Variants in CERS3 observed in about 807,000 individuals in gnomAD.
CERS3 encodes the protein ceramide synthase 3.
Under a neutral mutation model 50.3 loss-of-function variants are expected in CERS3, and 33 were observed. The ratio of observed to expected loss-of-function variants is 0.66; its 90% CI spans 0.50 to 0.88. The LOEUF (loss-of-function observed/expected upper bound fraction) is 0.88, where lower values mean the gene tolerates loss of function less well. Among genes scored for constraint, CERS3 ranks in the 40% least tolerant of loss-of-function variants. CERS3 has a pLI of 0.00. For synonymous variants in CERS3, 176 were observed against 155.2 expected, an observed-to-expected ratio of 1.13 and a Z score of -0.99; for missense variants, 470 against 460.3, an observed-to-expected ratio of 1.02 and a Z score of -0.19.
At chr15:100,410,161 G>A (rs1049945226) in intron 11 of CERS3, among the ~76,000 whole-genome samples, 1 of 152,166 alleles carries the variant, frequency 6.6e-6, no homozygotes, top group East Asian at 1.9e-4. Flanking sequence ...CATGATTTTT[G>A]CGAGGTCTTT....
intron 11 of CERS3, among the ~76,000 whole-genome samples, chr15:100,432,732 G>A (rs1285185755): frequency 3.9e-5 from 6 of 152,108 alleles, no homozygotes; most frequent in African/African-American, 1.4e-4. Context: ...CGAAAGAGTT[G>A]TATGTATTTA....
intron 11 of CERS3, among the ~76,000 whole-genome samples, chr15:100,440,079 G>A (rs1394450908): frequency 6.6e-6 from 1 of 152,176 alleles, no homozygotes; most frequent in Non-Finnish European, 1.5e-5. Flanking sequence ...GTTAATAAGG[G>A]AACCGTTTCT....
intron 4 of CERS3, among the ~76,000 whole-genome samples, chr15:100,490,388 G>A (rs968424700): frequency 6.6e-6 from 1 of 152,040 alleles, no homozygotes; most frequent in Non-Finnish European, 1.5e-5. Flanking sequence ...TCATGAAAGC[G>A]ACCCCAATGA....
intron 11 of CERS3, among the ~76,000 whole-genome samples, chr15:100,435,459 T>C (rs1226683268): frequency 6.6e-6 from 1 of 152,184 alleles, no homozygotes; most frequent in Non-Finnish European, 1.5e-5. Flanking sequence ...TTACACCTTA[T>C]ACAAAAATTA....
intron 9 of CERS3, among the ~76,000 whole-genome samples, chr15:100,471,483 G>C (rs2034966367): frequency 6.6e-6 from 1 of 152,122 alleles, no homozygotes; most frequent in Non-Finnish European, 1.5e-5. Context: ...AACACAATGA[G>C]GCTGTTTTTA....
At chr15:100,492,815 A>G (rs1332122645) in intron 3 of CERS3, among the ~76,000 whole-genome samples, 1 of 151,994 alleles carries the variant, frequency 6.6e-6, no homozygotes, top group Non-Finnish European at 1.5e-5. Flanking sequence ...ATATTTTCTG[A>G]TGGACCATTT....
intron 11 of CERS3, among the ~76,000 whole-genome samples, chr15:100,450,182 A>C (rs1182405215): frequency 6.6e-6 from 1 of 152,156 alleles, no homozygotes; most frequent in Admixed American, 6.5e-5. Context: ...GCACTTTAGG[A>C]GGCCAAGGTG....
chr15:100,423,562 A>T (rs2032605236), intron 11 of CERS3, among the ~76,000 whole-genome samples: 1 of 152,162 alleles, frequency 6.6e-6, no homozygotes, highest in South Asian at 2.1e-4. Flanking sequence ...ACACACATGG[A>T]CACAAAGAGG....
At chr15:100,430,229 G>A (rs11637192) in intron 11 of CERS3, among the ~76,000 whole-genome samples, 1 of 151,132 alleles carries the variant, frequency 6.6e-6, no homozygotes, top group Non-Finnish European at 1.5e-5. Context: ...GGAGAATGGC[G>A]TGAACCCGGG....
At chr15:100,498,484 T>C (rs2035900456) in intron 3 of CERS3, among the ~76,000 whole-genome samples, 3 of 151,970 alleles carry the variant, frequency 2.0e-5, no homozygotes, top group South Asian at 4.2e-4. Flanking sequence ...TTTATTGATA[T>C]GGAATAGAAA....
chr15:100,448,069 A>G (rs1346052966), intron 11 of CERS3, among the ~76,000 whole-genome samples: 1 of 152,214 alleles, frequency 6.6e-6, no homozygotes, highest in East Asian at 1.9e-4. Context: ...GGAGAGCGTT[A>G]TGTGCAATTT....
chr15:100,444,264 A>G (rs980690150), intron 11 of CERS3, among the ~76,000 whole-genome samples: 1 of 152,132 alleles, frequency 6.6e-6, no homozygotes, highest in African/African-American at 2.4e-5. Context: ...CACACCTGAC[A>G]TATATACTTT....
At chr15:100,534,408 A>T (rs1430391740) in intron 1 of CERS3, among the ~76,000 whole-genome samples, 2 of 152,042 alleles carry the variant, frequency 1.3e-5, no homozygotes, top group Non-Finnish European at 2.9e-5. Context: ...AAGCACTTAG[A>T]ACAATACCTG....
At chr15:100,411,530 T>C (rs1322911342) in intron 11 of CERS3, among the ~76,000 whole-genome samples, 1 of 152,210 alleles carries the variant, frequency 6.6e-6, no homozygotes, top group Non-Finnish European at 1.5e-5. Context: ...GTTTATCCAA[T>C]TGTCTCTCAA....
intron 1 of CERS3, among the ~76,000 whole-genome samples, chr15:100,537,775 A>G (rs1454913014): frequency 6.6e-6 from 1 of 152,228 alleles, no homozygotes. Flanking sequence ...CCCAAATCTC[A>G]TGTCCCTTTC....
intron 2 of CERS3, among the ~76,000 whole-genome samples, chr15:100,520,582 T>C (rs2036612392): frequency 6.6e-6 from 1 of 152,204 alleles, no homozygotes; most frequent in African/African-American, 2.4e-5. Flanking sequence ...CCTCCTTCTC[T>C]TCCTCCCAGT....
intron 11 of CERS3, among the ~76,000 whole-genome samples, chr15:100,447,894 CA>C (rs2034001933): frequency 6.6e-6 from 1 of 152,148 alleles, no homozygotes; most frequent in Non-Finnish European, 1.5e-5. Flanking sequence ...GGAATTAAAG[CA>C]CAGAACCTAA....
At chr15:100,532,409 T>G (rs766196002), upstream of CERS3, among the ~76,000 whole-genome samples, 1 of 152,202 alleles carries the variant, frequency 6.6e-6, no homozygotes, top group Non-Finnish European at 1.5e-5. Flanking sequence ...TCTCATGTTT[T>G]ATCTTATCAT....
intron 1 of CERS3, among the ~76,000 whole-genome samples, chr15:100,540,854 C>G (rs180716876): frequency 1.3e-5 from 2 of 152,294 alleles, no homozygotes; most frequent in African/African-American, 2.4e-5. Flanking sequence ...AGGATGATAT[C>G]AAACTCTGAG....
Sources: allele counts gnomAD v4.1 joint callset (sites outside exome capture counted in the v4.1 genomes callset), GRCh38; gene constraint gnomAD v4.1.1; transcripts MANE v1.5; gene names NCBI Gene and HGNC (gene_info 2026-07-23, HGNC 2026-07-21).